GPR158: variants seen among roughly 807,000 people sequenced by gnomAD.
The protein encoded by GPR158 is metabotropic glycine receptor.
Under a neutral mutation model 78.2 loss-of-function variants are expected in GPR158, and 30 were observed. That is an observed-to-expected ratio of 0.38 (90% CI 0.29 to 0.52). The LOEUF is 0.52. Among genes scored for constraint, GPR158 ranks in the 20% least tolerant of loss-of-function variants. The probability of loss-of-function intolerance (pLI) is 0.83; values close to 1 mark genes in which losing one functional copy is unlikely to be tolerated. For synonymous variants in GPR158, 581 were observed against 591.1 expected, an observed-to-expected ratio of 0.98 and a Z score of 0.25; for missense variants, 1,463 against 1,523.5, an observed-to-expected ratio of 0.96 and a Z score of 0.66.
intron 7 of GPR158, among the ~76,000 whole-genome samples, chr10:25,587,570 A>G (rs1837284407): frequency 6.6e-6 from 1 of 152,208 alleles, no homozygotes; most frequent in African/African-American, 2.4e-5. Context: ...GAGTTGGGAA[A>G]GGAAATTATA....
chr10:25,381,041 C>G (rs574735082), intron 2 of GPR158, among the ~76,000 whole-genome samples: 4 of 152,006 alleles, frequency 2.6e-5, no homozygotes, highest in Non-Finnish European at 4.4e-5. Context: ...TAGGACAGAG[C>G]CCTGGAAACC....
intron 5 of GPR158, among the ~76,000 whole-genome samples, chr10:25,482,280 C>A (rs1588882419): frequency 6.6e-6 from 1 of 152,048 alleles, no homozygotes; most frequent in Non-Finnish European, 1.5e-5. Flanking sequence ...GACTTCTGGG[C>A]TTATGCGATC....
intron 9 of GPR158, 71 bp from the exon 10 acceptor site, chr10:25,596,572 G>C (rs1837410467): frequency 1.2e-6 from 1 of 852,146 alleles, no homozygotes; most frequent in East Asian, 2.6e-5. Context: ...TATAGGTATA[G>C]ATATAGATAT....
chr10:25,437,226 T>C (rs1487854828), intron 4 of GPR158, among the ~76,000 whole-genome samples: 2 of 152,154 alleles, frequency 1.3e-5, no homozygotes, highest in Non-Finnish European at 2.9e-5. Flanking sequence ...GAAATCCTAT[T>C]GGGATTTTTT....
intron 2 of GPR158, among the ~76,000 whole-genome samples, chr10:25,226,454 A>C (rs1208835109): frequency 6.6e-6 from 1 of 152,244 alleles, no homozygotes; most frequent in Non-Finnish European, 1.5e-5. Context: ...GAACAAACTT[A>C]AAATGAGTTT....
At chr10:25,197,894 T>C (rs1852865003) in intron 1 of GPR158, among the ~76,000 whole-genome samples, 1 of 152,178 alleles carries the variant, frequency 6.6e-6, no homozygotes. Flanking sequence ...AATTGTCTCA[T>C]CCTATTCAGA....
At chr10:25,310,308 G>A (rs922132739) in intron 2 of GPR158, among the ~76,000 whole-genome samples, 3 of 152,128 alleles carry the variant, frequency 2.0e-5, no homozygotes, top group African/African-American at 7.2e-5. Context: ...TACGTTTGCA[G>A]TACGTTTTTG....
intron 2 of GPR158, among the ~76,000 whole-genome samples, chr10:25,372,850 A>AAGT (rs1208947528): frequency 2.8e-5 from 4 of 143,476 alleles, no homozygotes; most frequent in South Asian, 2.2e-4. Context: ...CTAAAACTTT[A>AAGT]ATAATAATAA....
intron 5 of GPR158, among the ~76,000 whole-genome samples, chr10:25,477,367 G>A (rs560021995): frequency 2.0e-5 from 3 of 152,150 alleles, no homozygotes; most frequent in Non-Finnish European, 4.4e-5. Context: ...ACCCCTTTAG[G>A]CTGGCTCCTG....
intron 4 of GPR158, among the ~76,000 whole-genome samples, chr10:25,417,204 T>A (rs1834675538): frequency 6.6e-6 from 1 of 152,210 alleles, no homozygotes; most frequent in South Asian, 2.1e-4. Context: ...ACAATAATTA[T>A]TTTCATGGCT....
intron 5 of GPR158, among the ~76,000 whole-genome samples, chr10:25,472,148 A>G (rs1294107593): frequency 6.6e-6 from 1 of 152,100 alleles, no homozygotes; most frequent in Admixed American, 6.5e-5. Flanking sequence ...TATAAGGTGT[A>G]AGGAAGGGAT....
intron 5 of GPR158, among the ~76,000 whole-genome samples, chr10:25,540,941 T>TAAAA (rs1186802503): frequency 3.0e-4 from 19 of 63,684 alleles, no homozygotes; most frequent in African/African-American, 1.2e-3. Flanking sequence ...TAAAGTATAA[T>TAAAA]AAAAATATAT....
At chr10:25,506,078 G>T in intron 5 of GPR158, among the ~76,000 whole-genome samples, 1 of 152,102 alleles carries the variant, frequency 6.6e-6, no homozygotes, top group East Asian at 1.9e-4. Context: ...TGGATCTCTT[G>T]AACAACTCGA....
intron 7 of GPR158, among the ~76,000 whole-genome samples, chr10:25,577,880 G>GA (rs1350323528): frequency 1.3e-5 from 2 of 152,064 alleles, no homozygotes; most frequent in Non-Finnish European, 2.9e-5. Context: ...AGATTTAATG[G>GA]AAAAAATAAG....
intron 2 of GPR158, among the ~76,000 whole-genome samples, chr10:25,334,449 G>T (rs1056422080): frequency 1.3e-5 from 2 of 151,916 alleles, no homozygotes; most frequent in Non-Finnish European, 2.9e-5. Flanking sequence ...CTGTCATTGC[G>T]AAGCTTCAAT....
intron 2 of GPR158, among the ~76,000 whole-genome samples, chr10:25,373,962 A>G (rs954146212): frequency 6.6e-6 from 1 of 151,684 alleles, no homozygotes; most frequent in Non-Finnish European, 1.5e-5. Flanking sequence ...AGGTTGTTCA[A>G]ATCTTCATAC....
At chr10:25,337,325 C>A (rs555147202) in intron 2 of GPR158, among the ~76,000 whole-genome samples, 2 of 152,034 alleles carry the variant, frequency 1.3e-5, no homozygotes, top group African/African-American at 4.8e-5. Flanking sequence ...GCAGTCAACA[C>A]CATTTCCTCA....
At chr10:25,500,857 C>A (rs992177623) in intron 5 of GPR158, among the ~76,000 whole-genome samples, 2 of 152,150 alleles carry the variant, frequency 1.3e-5, no homozygotes, top group Non-Finnish European at 2.9e-5. Flanking sequence ...AAATAGGTTG[C>A]TGTGTTAGAT....
chr10:25,382,133 T>A (rs1037530056), intron 2 of GPR158, among the ~76,000 whole-genome samples: 1 of 152,024 alleles, frequency 6.6e-6, no homozygotes, highest in Non-Finnish European at 1.5e-5. Context: ...TGGAGGGGAG[T>A]GTTTCATTAT....
Sources: allele counts gnomAD v4.1 joint callset (sites outside exome capture counted in the v4.1 genomes callset), GRCh38; gene constraint gnomAD v4.1.1; transcripts MANE v1.5; gene names NCBI Gene and HGNC (gene_info 2026-07-23, HGNC 2026-07-21).